NELL2: variants seen among roughly 807,000 people sequenced by gnomAD.
The protein encoded by NELL2 is neural EGFL like 2, also known as protein kinase C-binding protein NELL2.
In NELL2, 41 loss-of-function variants were observed where a neutral mutation model predicts 109.6. The ratio of observed to expected loss-of-function variants is 0.37; its 90% CI spans 0.29 to 0.49. The LOEUF (loss-of-function observed/expected upper bound fraction) is 0.49. Among genes scored for constraint, NELL2 ranks in the 20% least tolerant of loss-of-function variants. The probability of loss-of-function intolerance (pLI) is 0.98; values close to 1 mark genes in which losing one functional copy is unlikely to be tolerated. For synonymous variants in NELL2, 355 were observed against 344.7 expected, an observed-to-expected ratio of 1.03 and a Z score of -0.33; for missense variants, 900 against 1,008.3, an observed-to-expected ratio of 0.89 and a Z score of 1.45.
rs1161175521 is a variant in NELL2, at chr12:44,645,699, CT to C, written c.1444+19784del. Among the ~76,000 whole-genome samples the C allele has an allele frequency of 3.9e-5, 6 of 152,162 alleles. No individual in the cohort carries two copies. In the East Asian group the frequency reaches 1.2e-3, roughly 29 times the overall value. On this transcript the variant is annotated intron_variant, in intron 13 of 19. Coordinates refer to ENST00000429094, the MANE Select transcript of NELL2 (RefSeq NM_001145108.2). Reference sequence around the variant, plus strand: ...CCAATCCTGTAGGCACTTTAAATACCTTTTAATATTTTTAATCCTTAAAATG... The same window carrying C: ...CCAATCCTGTAGGCACTTTAAATACCTTTAATATTTTTAATCCTTAAAATG...
chr12:44,711,006 T>C (rs2136434356), intron 11 of NELL2, among the ~76,000 whole-genome samples: 1 of 152,244 alleles, frequency 6.6e-6, no homozygotes, highest in South Asian at 2.1e-4. Context: ...AGCAAAGCTG[T>C]ACTGACTCCA....
intron 15 of NELL2, among the ~76,000 whole-genome samples, chr12:44,571,943 AG>A (rs1353030677): frequency 6.6e-6 from 1 of 152,196 alleles, no homozygotes; most frequent in Admixed American, 6.5e-5. Context: ...GTATACAATA[AG>A]CACAATAAGC....
intron 9 of NELL2, among the ~76,000 whole-genome samples, chr12:44,737,555 C>A (rs147545396): frequency 1.3e-5 from 2 of 152,058 alleles, no homozygotes; most frequent in East Asian, 3.9e-4. Context: ...TTGCCACATA[C>A]TTCTTATTGC....
chr12:44,799,259 G>A (rs780669819), intron 3 of NELL2, among the ~76,000 whole-genome samples: 8 of 151,936 alleles, frequency 5.3e-5, no homozygotes, highest in East Asian at 1.9e-4. Context: ...TGCCCGGCCC[G>A]ATTTCCACTT....
At position 44,532,578 on chromosome 12, in the gene NELL2, G is replaced by A; in HGVS notation, c.1804+3C>T. 6.2e-7 allele frequency: 1 copy of A among 1,612,800 alleles called. No individual in the cohort carries two copies. Among genetic ancestry groups the A allele is most frequent in the Non-Finnish European group, 8.5e-7 (1 of 1,179,346 alleles). Reference sequence around the variant, plus strand: ...AAATTCTAGGTCTTCTCCTTGTACTGACCTTCACACGATTCTCCACTTGGT... The same window carrying A: ...AAATTCTAGGTCTTCTCCTTGTACTAACCTTCACACGATTCTCCACTTGGT... On this transcript the variant is annotated splice_donor_region_variant and intron_variant, in intron 16 of 19. Coordinates refer to ENST00000429094, the MANE Select transcript of NELL2 (RefSeq NM_001145108.2).
chr12:44,759,726 C>T (rs1442406900), intron 9 of NELL2, among the ~76,000 whole-genome samples: 1 of 152,158 alleles, frequency 6.6e-6, no homozygotes, highest in East Asian at 1.9e-4. Flanking sequence ...CATGTAGATC[C>T]TCCATAACCT....
At chr12:44,649,649 C>T (rs1947233887) in intron 13 of NELL2, among the ~76,000 whole-genome samples, 1 of 152,200 alleles carries the variant, frequency 6.6e-6, no homozygotes, top group African/African-American at 2.4e-5. Context: ...TTCCAGACTG[C>T]TCCTCAAGCT....
chr12:44,638,985 ATT>A (rs1350397066), intron 13 of NELL2, among the ~76,000 whole-genome samples: 1 of 152,228 alleles, frequency 6.6e-6, no homozygotes, highest in Non-Finnish European at 1.5e-5. Context: ...CATCTAAAAT[ATT>A]ATTTCAACAT....
Position 44,613,314 on chromosome 12 carries a change from C to T in NELL2, c.1445-2344G>A, listed in dbSNP as rs140181629. ...CACTCTGGGACTGTGAATTTTTAGACCAGATTTTTGTATTTTTCTTTGTAT... is the reference window on the plus strand; with the variant it reads ...CACTCTGGGACTGTGAATTTTTAGATCAGATTTTTGTATTTTTCTTTGTAT... On this transcript the variant is annotated intron_variant, in intron 13 of 19. Coordinates refer to ENST00000429094, the MANE Select transcript of NELL2 (RefSeq NM_001145108.2). 7.6e-3 allele frequency among the ~76,000 whole-genome samples: 1,150 copies of T among 152,050 alleles called. 13 individuals are homozygous for T. The highest frequency in any genetic ancestry group is 0.025 in the African/African-American group (1,021 of 41,456).
At chr12:44,790,986 C>A (rs765583962) in intron 3 of NELL2, among the ~76,000 whole-genome samples, 67 of 142,978 alleles carry the variant, frequency 4.7e-4, no homozygotes, top group Admixed American at 1.3e-3. Context: ...ATATATGCAC[C>A]TAACACTGGA....
chr12:44,726,155 T>C (rs1437438300), intron 9 of NELL2, among the ~76,000 whole-genome samples: 1 of 152,040 alleles, frequency 6.6e-6, no homozygotes, highest in Non-Finnish European at 1.5e-5. Flanking sequence ...TATACACACA[T>C]AAAACACAGT....
chr12:44,864,615 G>A (rs1241332913), intron 2 of NELL2, among the ~76,000 whole-genome samples: 2 of 152,064 alleles, frequency 1.3e-5, no homozygotes, highest in Non-Finnish European at 1.5e-5. Context: ...CAATACAATA[G>A]CACTAGGGAA....
intron 13 of NELL2, among the ~76,000 whole-genome samples, chr12:44,661,514 A>G (rs936584726): frequency 1.1e-4 from 16 of 152,256 alleles, no homozygotes; most frequent in African/African-American, 3.8e-4. Flanking sequence ...GGTAACTCGA[A>G]TGTCTTCCAC....
Position 44,568,793 on chromosome 12 carries a change from A to G in NELL2, c.1664-36072T>C, listed in dbSNP as rs560076152. ...TTATATATGCTTTATATATACACAT[A>G]CATATATAGCATGCTGTAATATAGT... On this transcript the variant is annotated intron_variant, in intron 15 of 19. Coordinates refer to ENST00000429094, the MANE Select transcript of NELL2 (RefSeq NM_001145108.2). Among the ~76,000 whole-genome samples the G allele has an allele frequency of 2.1e-3, 325 of 152,214 alleles. 1 individual carries two copies. Among genetic ancestry groups the G allele is most frequent in the Non-Finnish European group, 3.3e-3 (224 of 67,982 alleles).
At chr12:44,839,593 T>A (rs1476145235) in intron 2 of NELL2, among the ~76,000 whole-genome samples, 3 of 152,228 alleles carry the variant, frequency 2.0e-5, no homozygotes, top group Non-Finnish European at 2.9e-5. Context: ...AATACTAATA[T>A]GAAATGTGAT....
At chr12:44,900,084 C>A (rs1404252195) in intron 1 of NELL2, among the ~76,000 whole-genome samples, 4 of 152,152 alleles carry the variant, frequency 2.6e-5, no homozygotes, top group Non-Finnish European at 5.9e-5. Flanking sequence ...TATATGCACT[C>A]AACACAGGAG....
chr12:44,765,307 T>C (rs1314667606), intron 9 of NELL2, among the ~76,000 whole-genome samples: 1 of 152,216 alleles, frequency 6.6e-6, no homozygotes, highest in Non-Finnish European at 1.5e-5. Flanking sequence ...TCTTTATAAT[T>C]TGCAATAATA....
Position 44,536,650 on chromosome 12 carries a change from C to A in NELL2, c.1664-3929G>T, listed in dbSNP as rs577070932. On this transcript the variant is annotated intron_variant, in intron 15 of 19. Coordinates refer to ENST00000429094, the MANE Select transcript of NELL2 (RefSeq NM_001145108.2). ...TTAGTCTTAATCATAAGGACCTTAA[C>A]TTTTTACTCTGTAGGTACATTATAT... Among the ~76,000 whole-genome samples, 136 of 152,016 alleles carry A rather than the reference C, an allele frequency of 8.9e-4. No individual in the cohort carries two copies. The South Asian group carries it at 9.8e-3, about 11-fold the overall frequency.
At chr12:44,744,885 C>G (rs933667347) in intron 9 of NELL2, among the ~76,000 whole-genome samples, 1 of 152,178 alleles carries the variant, frequency 6.6e-6, no homozygotes, top group South Asian at 2.1e-4. Context: ...CAAAGAGGAG[C>G]TGGTACCATT....
Sources: gnomAD v4.1 joint callset for allele counts (sites outside exome capture counted in the v4.1 genomes callset) on GRCh38, gnomAD v4.1.1 for gene constraint, MANE v1.5 for transcripts, NCBI Gene and HGNC (gene_info 2026-07-23, HGNC 2026-07-21) for gene names.